The following TNKS variants were observed in gnomAD, a reference collection of about 807,000 sequenced individuals.
TNKS encodes poly [ADP-ribose] polymerase tankyrase-1.
TNKS carries 72 observed loss-of-function variants against 135.8 expected under a neutral mutation model. The observed-to-expected ratio is 0.53, with a 90% CI of 0.44 to 0.64. The LOEUF is 0.64. TNKS is among the 30% of genes least tolerant of loss of function. The pLI is 0.00. For synonymous variants in TNKS, 849 were observed against 649.3 expected (o/e 1.31, Z -4.68); for missense variants, 1,769 against 1,674.0 (o/e 1.06, Z -0.99).
At chr8:9,585,912 T>G (rs757627414) in intron 2 of TNKS, among the ~76,000 whole-genome samples, 3 of 152,184 alleles carry the variant, frequency 2.0e-5, no homozygotes, top group African/African-American at 4.8e-5. Flanking sequence ...TAATAGTGGT[T>G]GGAGTCAAAG....
At chr8:9,646,996 G>T (rs774904202) in intron 3 of TNKS, among the ~76,000 whole-genome samples, 1 of 152,138 alleles carries the variant, frequency 6.6e-6, no homozygotes, top group Non-Finnish European at 1.5e-5. Flanking sequence ...GCAGAGCAAA[G>T]ATGGCTAAAC....
intron 2 of TNKS, among the ~76,000 whole-genome samples, chr8:9,606,106 C>T (rs7815529): frequency 0.13 from 16,593 of 128,650 alleles, 1,163 homozygotes; most frequent in East Asian, 0.19. Flanking sequence ...GTCTGTAGTC[C>T]AGTTTGAGTT....
chr8:9,704,837 A>T lies in TNKS; in HGVS notation c.1202+80A>T, dbSNP rs192428351. On this transcript the variant is annotated intron_variant, in intron 6 of 26. Transcript: ENST00000310430. ...AACTTTTAAAACACTAGACAAAGTCATATGTCCCATTTGTTACGGCTTACA... is the reference window on the plus strand; with the variant it reads ...AACTTTTAAAACACTAGACAAAGTCTTATGTCCCATTTGTTACGGCTTACA... 1.2e-5 allele frequency: 13 copies of T among 1,085,306 alleles called. No homozygotes were observed. In the Admixed American group the frequency reaches 2.3e-4, roughly 19 times the overall value. 67.2% of individuals were successfully genotyped at this position (1,085,306 alleles called of 1,614,324 possible). A position where few individuals can be genotyped will look rare whatever the true frequency, so the allele number is the denominator to read the frequency against.
chr8:9,578,452 T>C (rs759940861), intron 1 of TNKS, among the ~76,000 whole-genome samples: 1 of 152,226 alleles, frequency 6.6e-6, no homozygotes, highest in Non-Finnish European at 1.5e-5. Flanking sequence ...TAATACAAAA[T>C]TGATCTTTTC....
At chr8:9,772,557 C>A in intron 26 of TNKS, 1 of 360,928 alleles carries the variant, frequency 2.8e-6, no homozygotes, top group Admixed American at 3.4e-5. Flanking sequence ...GACATGAAAA[C>A]GAAGTTAACC....
chr8:9,696,963 T>A (rs1436270109), intron 5 of TNKS, among the ~76,000 whole-genome samples: 3 of 152,094 alleles, frequency 2.0e-5, no homozygotes, highest in Non-Finnish European at 4.4e-5. Context: ...CTAAAAATCA[T>A]ATGGAACCAA....
intron 3 of TNKS, among the ~76,000 whole-genome samples, chr8:9,649,039 A>G (rs71516523): frequency 0.13 from 19,078 of 152,182 alleles, 1,398 homozygotes; most frequent in Admixed American, 0.23. Context: ...TGGTGTGGCT[A>G]TTTGAAATTG....
At chr8:9,568,399 C>A (rs1797631258) in intron 1 of TNKS, among the ~76,000 whole-genome samples, 1 of 152,116 alleles carries the variant, frequency 6.6e-6, no homozygotes, top group African/African-American at 2.4e-5. Flanking sequence ...TTTTTGGTCT[C>A]ACTGCTTTTT....
At chr8:9,614,740 C>T (rs558914116) in intron 2 of TNKS, among the ~76,000 whole-genome samples, 2 of 152,276 alleles carry the variant, frequency 1.3e-5, no homozygotes, top group East Asian at 1.9e-4. Context: ...GGTAGTATTA[C>T]AGCAACAGTC....
chr8:9,696,570 G>T (rs566806186), intron 5 of TNKS, among the ~76,000 whole-genome samples: 1 of 152,132 alleles, frequency 6.6e-6, no homozygotes, highest in African/African-American at 2.4e-5. Flanking sequence ...CCACCAAAAG[G>T]CTGCTAGAAC....
At position 9,763,218 on chromosome 8, in the gene TNKS, A is replaced by C; in HGVS notation, c.3346A>C (p.Lys1116Gln). The change falls in exon 22 of 27, where the codon AAA (lysine) becomes CAA (glutamine). Residue 1116 changes from lysine to glutamine, a missense_variant. Lys to Gln is a moderately conservative substitution (Grantham distance 53). Transcript: ENST00000310430. The stretch of plus-strand genomic sequence containing the variant: ...TTTGCTGGATCTTGCTCCAGAAGAT[A>C]AAGAATATCAGTCAGTGGAAGAAGA... ...TILLDLAPED[K>Q]EYQSVEEEMQ... The C allele has an allele frequency of 3.7e-6, 6 of 1,607,658 alleles. No individual in the cohort carries two copies. Among genetic ancestry groups the C allele is most frequent in the Non-Finnish European group, 5.1e-6 (6 of 1,175,552 alleles).
chr8:9,730,921 G>A lies in TNKS; in HGVS notation c.2033G>A (p.Arg678Lys). The change falls in exon 14 of 27, where the codon AGA becomes AAA. Residue 678 changes from arginine to lysine, a missense_variant. Arg to Lys is a conservative substitution (Grantham distance 26). This residue lies in a region of TNKS where 523 missense variants were observed against 541.0 expected (regional missense o/e 0.97). Coordinates refer to ENST00000310430, the MANE Select transcript of TNKS (RefSeq NM_003747.3). ...TGCAGCTCTCAAAATGTGAATTGTA[G>A]AGACTTAGAGGGCCGGCATTCCACG... The part of the protein sequence containing the change: ...QLCSSQNVNC[R>K]DLEGRHSTPL... 1 of 1,613,826 alleles carries A rather than the reference G, an allele frequency of 6.2e-7. No individual in the cohort carries two copies. Among genetic ancestry groups the A allele is most frequent in the Non-Finnish European group, 8.5e-7 (1 of 1,179,888 alleles).
At chr8:9,653,005 A>T (rs908820397) in intron 3 of TNKS, among the ~76,000 whole-genome samples, 1 of 152,196 alleles carries the variant, frequency 6.6e-6, no homozygotes, top group Non-Finnish European at 1.5e-5. Flanking sequence ...TTCCCTAGCC[A>T]GGCACAGGCC....
chr8:9,662,331 A>G (rs1473313053), intron 3 of TNKS, among the ~76,000 whole-genome samples: 2 of 152,174 alleles, frequency 1.3e-5, no homozygotes, highest in Non-Finnish European at 2.9e-5. Flanking sequence ...AATAGCAAAG[A>G]CTTGGAACCA....
chr8:9,635,940 A>G (rs1457281629), intron 3 of TNKS, among the ~76,000 whole-genome samples: 1 of 152,248 alleles, frequency 6.6e-6, no homozygotes, highest in African/African-American at 2.4e-5. Flanking sequence ...TATAATAGGA[A>G]TGACTGACAA....
At chr8:9,733,465 T>C in intron 15 of TNKS, 21 bp downstream of exon 15, 5 of 1,592,424 alleles carry the variant, frequency 3.1e-6, no homozygotes, top group East Asian at 2.2e-5. Context: ...TAAAAAGTTA[T>C]GAAATATAAC....
At chr8:9,667,373 A>T (rs1371005805) in intron 3 of TNKS, among the ~76,000 whole-genome samples, 1 of 152,244 alleles carries the variant, frequency 6.6e-6, no homozygotes, top group Non-Finnish European at 1.5e-5. Context: ...ATTGTCTGTG[A>T]AAAGAAAATT....
At chr8:9,589,114 A>C (rs1333766698) in intron 2 of TNKS, among the ~76,000 whole-genome samples, 10 of 152,188 alleles carry the variant, frequency 6.6e-5, no homozygotes, top group Admixed American at 6.5e-4. Flanking sequence ...TGACATGAGA[A>C]AAAATCTATA....
At chr8:9,763,314 A>G (rs1050042907) in intron 22 of TNKS, 70 bp downstream of exon 22, 1 of 1,086,420 alleles carries the variant, frequency 9.2e-7, no homozygotes, top group African/African-American at 1.6e-5. Context: ...TTCTGGAATT[A>G]ACCTCGTCTT....
Sources: gnomAD v4.1 joint callset for allele counts (sites outside exome capture counted in the v4.1 genomes callset) on GRCh38, gnomAD v4.1.1 for gene constraint, gnomAD v4.1.1 regional missense constraint, MANE v1.5 for transcripts, NCBI Gene and HGNC (gene_info 2026-07-23, HGNC 2026-07-21) for gene names.